CEP112: variants seen among roughly 807,000 people sequenced by gnomAD.
CEP112 encodes centrosomal protein 112.
Under a neutral mutation model 153.0 loss-of-function variants are expected in CEP112, and 127 were observed. The observed-to-expected ratio is 0.83, with a 90% CI of 0.72 to 0.96. CEP112 has a LOEUF of 0.96. Ranked by LOEUF, CEP112 falls within the 40% of genes least tolerant of loss-of-function variation. The pLI is 0.00. For missense variants in CEP112, 1,089 were observed against 1,101.2 expected (o/e 0.99, Z 0.16); for synonymous variants, 358 against 374.4 (o/e 0.96, Z 0.51).
At chr17:66,188,286 A>AACACACACACACAC (rs59802008) in intron 1 of CEP112, among the ~76,000 whole-genome samples, 4 of 109,438 alleles carry the variant, frequency 3.7e-5, no homozygotes, top group South Asian at 3.0e-4. Flanking sequence ...CACACACACA[A>AACACACACACACAC]ACACACACAC....
chr17:65,714,269 G>C (rs1234761196), intron 23 of CEP112, among the ~76,000 whole-genome samples: 1 of 151,842 alleles, frequency 6.6e-6, no homozygotes, highest in Non-Finnish European at 1.5e-5. Context: ...CATAAATCTT[G>C]CCCACAATGT....
intron 20 of CEP112, among the ~76,000 whole-genome samples, chr17:65,892,237 T>C (rs1275913596): frequency 2.0e-5 from 3 of 152,216 alleles, no homozygotes; most frequent in African/African-American, 7.2e-5. Flanking sequence ...TCCAAAATTC[T>C]TAATGAAATG....
At chr17:66,115,687 T>C (rs908213572) in intron 6 of CEP112, among the ~76,000 whole-genome samples, 1 of 152,206 alleles carries the variant, frequency 6.6e-6, no homozygotes, top group African/African-American at 2.4e-5. Context: ...GTTCCTGTTT[T>C]CTTACACATT....
chr17:65,972,699 C>T lies in CEP112; in HGVS notation c.1737-11101G>A, dbSNP rs1019517294. Among the ~76,000 whole-genome samples the T allele has an allele frequency of 2.0e-5, 3 of 152,168 alleles. No individual in the cohort carries two copies. The South Asian group carries it at 6.2e-4, about 32-fold the overall frequency. ...ATTACAAATGAGAGTGGTTATGTCA[C>T]TACAGATTTTATATGTGTTAAAAGG... On this transcript the variant is annotated intron_variant, in intron 17 of 26. Transcript: ENST00000535342.
At chr17:65,906,982 A>G (rs954199340) in intron 19 of CEP112, among the ~76,000 whole-genome samples, 2 of 152,246 alleles carry the variant, frequency 1.3e-5, no homozygotes, top group Admixed American at 6.5e-5. Context: ...AGAAAGTTCT[A>G]TTGAGATCTT....
At chr17:65,830,011 C>T (rs567865276) in intron 21 of CEP112, among the ~76,000 whole-genome samples, 2 of 152,002 alleles carry the variant, frequency 1.3e-5, no homozygotes, top group African/African-American at 2.4e-5. Flanking sequence ...GATAAAGATC[C>T]CAGTAAAATA....
chr17:65,810,561 A>G (rs1228102979), intron 21 of CEP112, among the ~76,000 whole-genome samples: 1 of 152,138 alleles, frequency 6.6e-6, no homozygotes, highest in Non-Finnish European at 1.5e-5. Context: ...GTTTAGATCT[A>G]TAAAAACAGC....
At chr17:65,701,695 C>G (rs932373646) in intron 23 of CEP112, among the ~76,000 whole-genome samples, 1 of 152,136 alleles carries the variant, frequency 6.6e-6, no homozygotes, top group African/African-American at 2.4e-5. Flanking sequence ...TTACCATCAT[C>G]TCAAACTTCC....
At chr17:65,776,447 G>C (rs1333862378) in intron 21 of CEP112, among the ~76,000 whole-genome samples, 1 of 152,100 alleles carries the variant, frequency 6.6e-6, no homozygotes, top group East Asian at 1.9e-4. Flanking sequence ...GGATGGTCTC[G>C]ATCTCCTGAC....
intron 17 of CEP112, among the ~76,000 whole-genome samples, chr17:65,998,209 T>C (rs12951112): frequency 0.41 from 62,053 of 150,988 alleles, 14,182 homozygotes; most frequent in East Asian, 0.87. Flanking sequence ...GGTGAAACCC[T>C]GTCTCTACCA....
rs547105644 is a variant in CEP112, at chr17:65,959,598, T to C, written c.1872+1865A>G. Among the ~76,000 whole-genome samples the C allele has an allele frequency of 5.3e-5, 8 of 152,262 alleles. No individual in the cohort carries two copies. In the South Asian group the frequency reaches 1.5e-3, roughly 28 times the overall value. On this transcript the variant is annotated intron_variant, in intron 18 of 26. Coordinates refer to ENST00000535342, the MANE Select transcript of CEP112 (RefSeq NM_001199165.4). The stretch of plus-strand genomic sequence containing the variant: ...CCAGGGCTATGACTTCCTCTTTGGG[T>C]TCGTGTGGTTCTTGGCTCCTCCTTG...
chr17:65,931,744 C>A (rs1305600815), intron 18 of CEP112, among the ~76,000 whole-genome samples: 1 of 152,226 alleles, frequency 6.6e-6, no homozygotes, highest in Non-Finnish European at 1.5e-5. Context: ...CTTCCCCAGG[C>A]TCAGAGGCAA....
intron 6 of CEP112, among the ~76,000 whole-genome samples, chr17:66,121,291 G>A (rs960796157): frequency 1.0e-4 from 15 of 144,204 alleles, no homozygotes; most frequent in African/African-American, 3.8e-4. Flanking sequence ...AAAAAAAAAA[G>A]ATTTCTCTTT....
intron 6 of CEP112, among the ~76,000 whole-genome samples, chr17:66,107,894 C>T (rs2068853570): frequency 6.6e-6 from 1 of 152,062 alleles, no homozygotes; most frequent in African/African-American, 2.4e-5. Context: ...TGACTTCAAA[C>T]TATAGTACAA....
intron 20 of CEP112, among the ~76,000 whole-genome samples, chr17:65,889,621 C>A (rs2143110552): frequency 6.6e-6 from 1 of 152,204 alleles, no homozygotes; most frequent in East Asian, 1.9e-4. Context: ...CATAGGAGAT[C>A]TCATCTTCAC....
chr17:65,767,304 T>C (rs183989116), intron 21 of CEP112, among the ~76,000 whole-genome samples: 8 of 151,874 alleles, frequency 5.3e-5, no homozygotes, highest in Admixed American at 3.9e-4. Context: ...AAAGAAGAAA[T>C]CAAAAGAAAA....
chr17:65,800,126 T>C (rs2055177067), intron 21 of CEP112, among the ~76,000 whole-genome samples: 1 of 152,164 alleles, frequency 6.6e-6, no homozygotes, highest in African/African-American at 2.4e-5. Flanking sequence ...AAAACTGAGA[T>C]ATAACTCATT....
Position 66,002,657 on chromosome 17 carries a change from T to C in CEP112, c.1736+3033A>G, listed in dbSNP as rs536303644. Among the ~76,000 whole-genome samples the C allele has an allele frequency of 6.6e-5, 10 of 152,328 alleles. No homozygotes were observed. The South Asian group carries it at 1.9e-3, about 28-fold the overall frequency. On this transcript the variant is annotated intron_variant, in intron 17 of 26. Coordinates refer to ENST00000535342, the MANE Select transcript of CEP112 (RefSeq NM_001199165.4). ...TCCCATTACCAGTCCATCTTACTGA[T>C]TATTACCTTATTATGTTTTTAAAGT...
intron 4 of CEP112, among the ~76,000 whole-genome samples, chr17:66,157,808 T>C (rs1316643216): frequency 1.3e-5 from 2 of 150,734 alleles, no homozygotes; most frequent in Non-Finnish European, 3.0e-5. Flanking sequence ...TACATAATAG[T>C]AAAGGGATCA....
Sources: gnomAD v4.1 joint callset for allele counts (sites outside exome capture counted in the v4.1 genomes callset) on GRCh38, gnomAD v4.1.1 for gene constraint, MANE v1.5 for transcripts, NCBI Gene and HGNC (gene_info 2026-07-23, HGNC 2026-07-21) for gene names.